FOCAD: variants seen among roughly 807,000 people sequenced by gnomAD.
FOCAD encodes KIAA1797.
A neutral mutation model predicts 225.6 loss-of-function variants in FOCAD; 198 were observed. That is an observed-to-expected ratio of 0.88 (90% CI 0.78 to 0.99). The LOEUF (loss-of-function observed/expected upper bound fraction) is 0.99, where lower values mean the gene tolerates loss of function less well. Ranked by LOEUF, FOCAD falls within the 50% of genes least tolerant of loss-of-function variation. The pLI is 0.00. For missense variants in FOCAD, 2,713 were observed against 2,123.6 expected, an observed-to-expected ratio of 1.28 and a Z score of -5.46; for synonymous variants, 897 against 755.0, an observed-to-expected ratio of 1.19 and a Z score of -3.08.
chr9:20,976,862 C>A (rs1368283680), intron 36 of FOCAD, among the ~76,000 whole-genome samples: 1 of 152,076 alleles, frequency 6.6e-6, no homozygotes, highest in Non-Finnish European at 1.5e-5. Context: ...ATTTCCAGAG[C>A]CATAGGTTTC....
intron 43 of FOCAD, among the ~76,000 whole-genome samples, chr9:20,995,233 T>C (rs1841967966): frequency 6.6e-6 from 1 of 151,596 alleles, no homozygotes; most frequent in Non-Finnish European, 1.5e-5. Flanking sequence ...TGTGAGGAGA[T>C]TTTTACAAAG....
intron 15 of FOCAD, among the ~76,000 whole-genome samples, chr9:20,859,632 T>A (rs1828573063): frequency 1.3e-5 from 2 of 148,544 alleles, no homozygotes; most frequent in Middle Eastern, 3.3e-3. Context: ...TTTAAAAAAA[T>A]TTATTTTGAA....
upstream of FOCAD, among the ~76,000 whole-genome samples, chr9:20,679,629 T>C (rs1822340571): frequency 6.6e-6 from 1 of 152,174 alleles, no homozygotes; most frequent in Non-Finnish European, 1.5e-5. Context: ...GACTTCAAAA[T>C]GTGTGCTTAT....
At chr9:20,829,242 A>C (rs1825239545) in intron 15 of FOCAD, among the ~76,000 whole-genome samples, 1 of 152,110 alleles carries the variant, frequency 6.6e-6, no homozygotes, top group South Asian at 2.1e-4. Context: ...ACTAATTTAC[A>C]TTTCCACCAA....
chr9:20,976,098 T>C (rs1385882068), intron 35 of FOCAD, among the ~76,000 whole-genome samples: 3 of 152,176 alleles, frequency 2.0e-5, no homozygotes, highest in Admixed American at 1.3e-4. Context: ...TGATAAATAT[T>C]GGAGATGATG....
intron 15 of FOCAD, among the ~76,000 whole-genome samples, chr9:20,840,301 T>A (rs1826388714): frequency 6.6e-6 from 1 of 152,040 alleles, no homozygotes; most frequent in African/African-American, 2.4e-5. Flanking sequence ...ACATGGAATA[T>A]CTTTCTATTT....
At chr9:20,796,572 T>C (rs1460715664) in intron 11 of FOCAD, among the ~76,000 whole-genome samples, 1 of 152,232 alleles carries the variant, frequency 6.6e-6, no homozygotes, top group East Asian at 1.9e-4. Context: ...CCAGTGATGA[T>C]GAGCATTTTT....
Position 20,714,554 on chromosome 9 carries a change from T to G in FOCAD, c.-32-768T>G, listed in dbSNP as rs7047375. ...TGGGATCCTTAGGAAATCCTCTTAT[T>G]AGTTCCATGGTCCTGCTTTACCACC... is the stretch of plus-strand genomic sequence containing the variant. On this transcript the variant is annotated intron_variant, in intron 1 of 43. Transcript: ENST00000338382. Among the ~76,000 whole-genome samples, 360 of 152,086 alleles carry G rather than the reference T, an allele frequency of 2.4e-3. 1 individual carries two copies. Among genetic ancestry groups the G allele is most frequent in the African/African-American group, 8.2e-3 (339 of 41,482 alleles).
intron 32 of FOCAD, among the ~76,000 whole-genome samples, chr9:20,949,393 C>A (rs1033087632): frequency 2.0e-5 from 3 of 152,118 alleles, no homozygotes; most frequent in Admixed American, 6.6e-5. Context: ...TGATTGCTTA[C>A]ATGCCACAGT....
intron 1 of FOCAD, among the ~76,000 whole-genome samples, chr9:20,711,510 A>G (rs1824848294): frequency 6.6e-6 from 1 of 152,132 alleles, no homozygotes; most frequent in African/African-American, 2.4e-5. Flanking sequence ...GGAGAGCCCC[A>G]AGACTAAGCA....
chr9:20,785,989 C>T (rs1371737895), intron 10 of FOCAD, among the ~76,000 whole-genome samples: 2 of 152,124 alleles, frequency 1.3e-5, no homozygotes, highest in East Asian at 3.9e-4. Context: ...TTTTGTTTTG[C>T]ATTTCCCTGA....
At position 20,865,899 on chromosome 9, in the gene FOCAD, T is replaced by G. The variant is rs1370080042; in HGVS notation, c.2056-27T>G. 8.3e-6 allele frequency: 13 copies of G among 1,568,402 alleles called. No homozygotes were observed. The African/African-American group carries it at 1.4e-4, about 16-fold the overall frequency. Reference sequence around the variant, plus strand: ...TCAGTTTTAGCTTGGTCTTAACAATTTATTCTTTTGTATGTTAACTTTTCA... The same window carrying G: ...TCAGTTTTAGCTTGGTCTTAACAATGTATTCTTTTGTATGTTAACTTTTCA... On this transcript the variant is annotated intron_variant, in intron 16 of 43. Transcript: ENST00000338382.
chr9:20,700,078 C>T (rs963989603), intron 1 of FOCAD, among the ~76,000 whole-genome samples: 1 of 151,338 alleles, frequency 6.6e-6, no homozygotes, highest in African/African-American at 2.4e-5. Context: ...TTATTTAGTA[C>T]CCTATAAGTA....
Position 20,845,150 on chromosome 9 carries a change from T to C in FOCAD, c.1921-17428T>C, listed in dbSNP as rs2131588372. On this transcript the variant is annotated intron_variant, in intron 15 of 43. Coordinates refer to ENST00000338382, the MANE Select transcript of FOCAD (RefSeq NM_001375567.1). ...CACAATCCCTCCCTCACTGACTCAA[T>C]CAGTTTCTACTTATTAGAATATGCA... Among the ~76,000 whole-genome samples, 2 of 152,196 alleles carry C rather than the reference T, an allele frequency of 1.3e-5. 1 individual carries two copies. Among genetic ancestry groups the C allele is most frequent in the East Asian group, 3.9e-4 (2 of 5,166 alleles).
chr9:20,850,433 A>G (rs1827536380), intron 15 of FOCAD, among the ~76,000 whole-genome samples: 1 of 151,876 alleles, frequency 6.6e-6, no homozygotes, highest in Non-Finnish European at 1.5e-5. Flanking sequence ...TGTGGATTTT[A>G]TGAAATGGAT....
At chr9:20,855,199 A>G (rs1247502104) in intron 15 of FOCAD, among the ~76,000 whole-genome samples, 1 of 151,758 alleles carries the variant, frequency 6.6e-6, no homozygotes, top group Admixed American at 6.6e-5. Flanking sequence ...AAACTTTCCC[A>G]TGTATAAGAA....
At chr9:20,775,750 A>T (rs969039176) in intron 8 of FOCAD, among the ~76,000 whole-genome samples, 1 of 152,098 alleles carries the variant, frequency 6.6e-6, no homozygotes, top group African/African-American at 2.4e-5. Context: ...TGCTATTTTC[A>T]TTTGACTTGA....
rs142933173 is a variant in FOCAD at position 20,789,763 on chromosome 9, T to G, written c.1455+155T>G. ...CTATCTTTATCCTTCCATTTTTTTC[T>G]TCTTTTTCCTTACTCTGAGTTGATG... On this transcript the variant is annotated intron_variant, in intron 11 of 43. Transcript: ENST00000338382. Among the ~76,000 whole-genome samples the G allele has an allele frequency of 3.7e-3, 569 of 152,236 alleles. 4 individuals carry two copies. Among genetic ancestry groups the G allele is most frequent in the African/African-American group, 0.013 (545 of 41,532 alleles).
chr9:20,793,390 G>T lies in FOCAD; in HGVS notation c.1455+3782G>T, dbSNP rs1016708798. 2.0e-5 allele frequency among the ~76,000 whole-genome samples: 3 copies of T among 152,248 alleles called. No homozygotes were observed. The East Asian group carries it at 5.8e-4, about 29-fold the overall frequency. On this transcript the variant is annotated intron_variant, in intron 11 of 43. Transcript: ENST00000338382. ...ATTTGATCCCTTTTGTGTTTTCCCG[G>T]TTGTGTGCAAAAAGCCTAGAGTTTA...
Sources: gnomAD v4.1 joint callset for allele counts (sites outside exome capture counted in the v4.1 genomes callset) on GRCh38, gnomAD v4.1.1 for gene constraint, MANE v1.5 for transcripts, NCBI Gene and HGNC (gene_info 2026-07-23, HGNC 2026-07-21) for gene names.